HLA-F: variants seen among roughly 807,000 people sequenced by gnomAD.
HLA-F encodes major histocompatibility complex, class I, F, also known as HLA class I histocompatibility antigen, alpha chain F.
HLA-F carries 46 observed loss-of-function variants against 49.5 expected under a neutral mutation model. That is an observed-to-expected ratio of 0.93 (90% CI 0.73 to 1.19). HLA-F has a LOEUF of 1.19. Ranked by LOEUF, HLA-F falls within the 50% of genes most tolerant of loss-of-function variation. HLA-F has a pLI of 0.00. For synonymous variants in HLA-F, 203 were observed against 233.5 expected (o/e 0.87, Z 1.19); for missense variants, 496 against 579.6 (o/e 0.86, Z 1.48).
intron 3 of HLA-F, among the ~76,000 whole-genome samples, chr6:29,734,685 G>A (rs1005141576): frequency 6.6e-6 from 1 of 152,054 alleles, no homozygotes; most frequent in Non-Finnish European, 1.5e-5. Context: ...ATTTACCACT[G>A]TACCCATTGT....
chr6:29,723,655 C>A lies in HLA-F; in HGVS notation c.65-3C>A. 1 of 1,607,378 alleles carries A rather than the reference C, an allele frequency of 6.2e-7. No homozygotes were observed. The highest frequency in any genetic ancestry group is 8.5e-7 in the Non-Finnish European group (1 of 1,177,030). ...GCGGGTCTCAGCCCCTCCTCGCCCC[C>A]AGGCTCCCACTCCTTGAGGTATTTC... On this transcript the variant is annotated splice_polypyrimidine_tract_variant and splice_region_variant and intron_variant, in intron 1 of 6. Transcript: ENST00000259951.
At chr6:29,725,364 G>A (rs909708807) in intron 4 of HLA-F, 58 bp downstream of exon 4, 12 of 1,611,316 alleles carry the variant, frequency 7.4e-6, no homozygotes, top group Middle Eastern at 1.6e-4. Context: ...CTCAGGGAAA[G>A]CAGGAGCCCT....
chr6:29,738,496 T>C (rs1339022251), exon 5 of HLA-F: 1 of 152,228 alleles, frequency 6.6e-6, no homozygotes, highest in African/African-American at 2.4e-5. Flanking sequence ...TCAAAATACA[T>C]ACTTCATAAA....
chr6:29,726,949 T>C lies in HLA-F; in HGVS notation c.1103T>C (p.Leu368Pro), dbSNP rs1165913325. The change falls in exon 7 of 7, where the codon CTC becomes CCC. Residue 368 changes from leucine to proline, a missense_variant. Transcript: ENST00000259951. ...WWSSLFLLGV[L>P]FQGYLGCLRS... is the part of the protein sequence containing the mutation. ...TCAAGCTTATTTCTCCTGGGGGTGC[T>C]CTTCCAAGGATATTTGGGCTGCCTC... is the stretch of plus-strand genomic sequence containing the variant. 1 of 1,611,696 alleles carries C rather than the reference T, an allele frequency of 6.2e-7. No individual in the cohort carries two copies. Among genetic ancestry groups the C allele is most frequent in the Non-Finnish European group, 8.5e-7 (1 of 1,179,848 alleles).
chr6:29,723,813 G>A lies in HLA-F; in HGVS notation c.220G>A (p.Glu74Lys). The A allele has an allele frequency of 6.2e-7, 1 of 1,604,784 alleles. No homozygotes were observed. The highest frequency in any genetic ancestry group is 8.5e-7 in the Non-Finnish European group (1 of 1,176,036). ...PRMEPREPWV[E>K]QEGPQYWEWT... ...GATGGAGCCGCGGGAGCCGTGGGTG[G>A]AGCAAGAGGGGCCGCAGTATTGGGA... is the stretch of plus-strand genomic sequence containing the variant. The change falls in exon 2 of 7, where the codon GAG (glutamate) becomes AAG (lysine). Residue 74 changes from glutamate to lysine, a missense_variant. By Grantham distance (56) the Glu-to-Lys change is moderately conservative. Coordinates refer to ENST00000259951, the MANE Select transcript of HLA-F (RefSeq NM_001098479.2).
rs756994939 is a variant in HLA-F, at chr6:29,723,688, C to T, written c.95C>T (p.Ala32Val). ...CACTCCTTGAGGTATTTCAGCACCG[C>T]TGTGTCGCGGCCCGGCCGCGGGGAG... is the stretch of plus-strand genomic sequence containing the variant. ...GSHSLRYFSTAVSRPGRGEPR... is the reference protein window; with the variant it reads ...GSHSLRYFSTVVSRPGRGEPR... Residue 32 changes from alanine to valine, a missense_variant, in exon 2 of 7, where the codon GCT (alanine) becomes GTT (valine). Physicochemically the swap from Ala to Val is moderately conservative, Grantham distance 64. Coordinates refer to ENST00000259951, the MANE Select transcript of HLA-F (RefSeq NM_001098479.2). The T allele has an allele frequency of 1.2e-6, 2 of 1,611,324 alleles. No homozygotes were observed. Among genetic ancestry groups the T allele is most frequent in the Non-Finnish European group, 1.7e-6 (2 of 1,179,470 alleles).
Position 29,724,467 on chromosome 6 carries a change from G to T in HLA-F, c.610+19G>T, listed in dbSNP as rs758268521. The stretch of plus-strand genomic sequence containing the variant: ...CGCGCAGGTACCAGGGGCCATGGGC[G>T]CCTTCCCTATCTCCTGTAGATCTCT... On this transcript the variant is annotated intron_variant, in intron 3 of 6. Transcript: ENST00000259951. The T allele has an allele frequency of 3.7e-6, 6 of 1,610,746 alleles. No homozygotes were observed. Among genetic ancestry groups the T allele is most frequent in the Non-Finnish European group, 5.1e-6 (6 of 1,178,326 alleles).
intron 3 of HLA-F, chr6:29,736,547 G>A: frequency 2.8e-6 from 1 of 360,130 alleles, no homozygotes; most frequent in South Asian, 2.1e-5. Context: ...GTGGGCCGTG[G>A]ATTTTCACAA....
At chr6:29,726,508 A>G in intron 6 of HLA-F, 1 of 1,549,268 alleles carries the variant, frequency 6.5e-7, no homozygotes, top group Non-Finnish European at 8.7e-7. Context: ...AAGAATAAAA[A>G]TATATCTTTT....
intron 6 of HLA-F, chr6:29,726,274 GA>G: frequency 9.4e-7 from 1 of 1,061,060 alleles, no homozygotes; most frequent in Non-Finnish European, 1.5e-6. Flanking sequence ...TGTTGGGGGG[GA>G]ACAGAGGGGA....
downstream of HLA-F, chr6:29,728,038 T>C (rs1164766526): frequency 1.9e-6 from 1 of 519,068 alleles, no homozygotes; most frequent in Non-Finnish European, 3.8e-6. Flanking sequence ...ATTAGCTATG[T>C]CTGGAAAAAT....
At chr6:29,732,328 C>T (rs760521085) in intron 3 of HLA-F, among the ~76,000 whole-genome samples, 3 of 152,098 alleles carry the variant, frequency 2.0e-5, no homozygotes, top group Non-Finnish European at 4.4e-5. Context: ...TACAAACATG[C>T]TTGTCAAAAT....
chr6:29,726,764 T>C, intron 6 of HLA-F, 119 bp from the exon 7 acceptor site: 1 of 1,239,450 alleles, frequency 8.1e-7, no homozygotes, highest in Non-Finnish European at 1.2e-6. Context: ...TGAATCAGAG[T>C]GTTGACTTTG....
chr6:29,725,681 C>A, intron 5 of HLA-F, 118 bp downstream of exon 5: 1 of 870,208 alleles, frequency 1.1e-6, no homozygotes, highest in East Asian at 2.4e-5. Context: ...CATGGGTCTA[C>A]CCAGCCTGGG....
chr6:29,726,559 A>ATGTGTG (rs9278276), intron 6 of HLA-F: 103 of 1,354,122 alleles, frequency 7.6e-5, no homozygotes, highest in Middle Eastern at 2.7e-4. Context: ...ATGCACGTAA[A>ATGTGTG]TGTGTGTGTG....
At chr6:29,732,742 C>T (rs7754067) in intron 3 of HLA-F, among the ~76,000 whole-genome samples, 30,004 of 151,870 alleles carry the variant, frequency 0.2, 3,267 homozygotes, top group East Asian at 0.37. Context: ...GCCACCATGC[C>T]GGCCAAAAAA....
At chr6:29,728,159 A>G, downstream of HLA-F, 3 of 489,860 alleles carry the variant, frequency 6.1e-6, no homozygotes, top group South Asian at 4.4e-5. Flanking sequence ...CACCCACATA[A>G]CAGATAATTA....
chr6:29,726,679 C>G lies in HLA-F; in HGVS notation c.1037-204C>G, dbSNP rs573289257. The G allele has an allele frequency of 1.1e-4, 151 of 1,425,658 alleles. 1 individual carries two copies. The South Asian group carries it at 1.4e-3, about 14-fold the overall frequency. 88.3% of individuals were successfully genotyped at this position (1,425,658 alleles called of 1,614,324 possible). ...CCAGCTTGACTCAGTTTAGGTGATC[C>G]CAATTTTGGTGGCAACAACCAAAGC... On this transcript the variant is annotated intron_variant, in intron 6 of 6. Coordinates refer to ENST00000259951, the MANE Select transcript of HLA-F (RefSeq NM_001098479.2).
chr6:29,726,649 A>G, intron 6 of HLA-F: 2 of 1,516,646 alleles, frequency 1.3e-6, no homozygotes, highest in Non-Finnish European at 1.8e-6. Flanking sequence ...TATATTTGGA[A>G]CTAGCCAGCT....
Sources: allele counts gnomAD v4.1 joint callset (sites outside exome capture counted in the v4.1 genomes callset), GRCh38; gene constraint gnomAD v4.1.1; transcripts MANE v1.5; gene names NCBI Gene and HGNC (gene_info 2026-07-23, HGNC 2026-07-21).